Variants in MAN1C1 observed in about 807,000 individuals in gnomAD.
The protein encoded by MAN1C1 is mannosyl-oligosaccharide 1,2-alpha-mannosidase IC.
MAN1C1 carries 49 observed loss-of-function variants against 71.5 expected under a neutral mutation model. The observed-to-expected ratio is 0.69, with a 90% CI of 0.54 to 0.87. The LOEUF is 0.87. Ranked by LOEUF, MAN1C1 falls within the 40% of genes least tolerant of loss-of-function variation. The probability of loss-of-function intolerance (pLI) is 0.00; values close to 1 mark genes in which losing one functional copy is unlikely to be tolerated. For synonymous variants in MAN1C1, 352 were observed against 343.7 expected (o/e 1.02, Z -0.27); for missense variants, 743 against 835.0 (o/e 0.89, Z 1.36).
intron 1 of MAN1C1, among the ~76,000 whole-genome samples, chr1:25,670,315 A>C (rs1244677024): frequency 2.0e-5 from 3 of 152,220 alleles, no homozygotes; most frequent in Admixed American, 1.3e-4. Context: ...GCCTTGCAGG[A>C]TCTCTCTGCC....
intron 2 of MAN1C1, among the ~76,000 whole-genome samples, chr1:25,742,261 A>G (rs974956827): frequency 1.3e-5 from 2 of 152,204 alleles, no homozygotes; most frequent in Non-Finnish European, 2.9e-5. Flanking sequence ...AACCATTGGC[A>G]GTTCCTGAGC....
intron 2 of MAN1C1, among the ~76,000 whole-genome samples, chr1:25,693,457 C>T (rs574660392): frequency 5.4e-4 from 82 of 152,286 alleles, no homozygotes; most frequent in African/African-American, 1.9e-3. Flanking sequence ...TGGTGAAACC[C>T]GTCTCTACTA....
chr1:25,666,642 G>A (rs2045928648), intron 1 of MAN1C1, among the ~76,000 whole-genome samples: 3 of 152,300 alleles, frequency 2.0e-5, no homozygotes, highest in South Asian at 4.2e-4. Flanking sequence ...CAGCTGAGCC[G>A]ACATCGTTTT....
At position 25,746,809 on chromosome 1, in the gene MAN1C1, A is replaced by AGG; in HGVS notation, c.753+31_753+32dup. On this transcript the variant is annotated intron_variant, in intron 3 of 11. Transcript: ENST00000374332. The surrounding 1 kb of genome is among the most constrained non-coding windows in gnomAD (Gnocchi z 4.0). ...GTGAGTCAGAGGCCCTCGGCGGGGG[A>AGG]GGGGGGCGGGGGCCAGAAGAGGCCC... 1 of 232,818 alleles carries AGG rather than the reference A, an allele frequency of 4.3e-6. No individual in the cohort carries two copies. The highest frequency in any genetic ancestry group is 8.7e-6 in the Non-Finnish European group (1 of 115,596). The allele number at this position is 232,818 out of a possible 1,614,324, so 14.4% of individuals were successfully genotyped here. A position where few individuals can be genotyped will look rare whatever the true frequency, so the allele number is the denominator to read the frequency against.
At position 25,752,125 on chromosome 1, in the gene MAN1C1, G is replaced by A. The variant is rs542199766; in HGVS notation, c.835-1359G>A. Among the ~76,000 whole-genome samples the A allele has an allele frequency of 9.9e-5, 15 of 152,248 alleles. 1 individual carries two copies. In the South Asian group the frequency reaches 2.3e-3, roughly 23 times the overall value. On this transcript the variant is annotated intron_variant, in intron 4 of 11. Transcript: ENST00000374332. ...TCCTACCGAGAGCCAGTGCCCATGG[G>A]AGTAACTCGTATAACCACAGCTGCA...
intron 7 of MAN1C1, among the ~76,000 whole-genome samples, chr1:25,768,209 C>G (rs1166094047): frequency 3.1e-5 from 4 of 128,410 alleles, no homozygotes; most frequent in Non-Finnish European, 6.6e-5. Context: ...ACACTCCCCT[C>G]ACACATACAC....
At position 25,689,254 on chromosome 1, in the gene MAN1C1, G is replaced by A. The variant is rs143567604; in HGVS notation, c.637+2718G>A. ...GTCTGTCTAGGTGCTCTCAGAGAGA[G>A]GGACAAGTGGGGGTGACCACAAGTG... On this transcript the variant is annotated intron_variant, in intron 2 of 11. Transcript: ENST00000374332. Among the ~76,000 whole-genome samples, 325 of 152,258 alleles carry A rather than the reference G, an allele frequency of 2.1e-3. 2 individuals are homozygous for A. Among genetic ancestry groups the A allele is most frequent in the Admixed American group, 3.9e-3 (59 of 15,298 alleles).
At position 25,617,584 on chromosome 1, in the gene MAN1C1, C is replaced by G. The variant is rs1051118268; in HGVS notation, c.-214C>G. ...GCCGCTCCGCTCGCCCGGGCCCCGCCGAGGCCGCTGCGCCCCCGCCTCCTC... is the reference window on the plus strand; with the variant it reads ...GCCGCTCCGCTCGCCCGGGCCCCGCGGAGGCCGCTGCGCCCCCGCCTCCTC... On this transcript the variant is annotated 5_prime_UTR_variant, in exon 1 of 12. Transcript: ENST00000374332. The surrounding 1 kb of genome is among the most constrained non-coding windows in gnomAD (Gnocchi z 5.1). The G allele has an allele frequency of 4.4e-6, 2 of 450,778 alleles. No homozygotes were observed. 27.9% of individuals were successfully genotyped at this position (450,778 alleles called of 1,614,324 possible). A position where few individuals can be genotyped will look rare whatever the true frequency, so the allele number is the denominator to read the frequency against.
chr1:25,762,441 CTTTTCT>C (rs971101468), intron 6 of MAN1C1, among the ~76,000 whole-genome samples: 3 of 64,240 alleles, frequency 4.7e-5, no homozygotes, highest in African/African-American at 8.3e-5. Context: ...ACCACATTTT[CTTTTCT>C]TTTTTTTTTT....
chr1:25,782,672 C>T lies in MAN1C1; in HGVS notation c.1738C>T (p.Gln580Ter), dbSNP rs1434493121. The change falls in exon 11 of 12, where the codon CAG becomes TAG. Residue 580 changes from glutamine to a stop codon, truncating the protein, a stop_gained. Transcript: ENST00000374332. LOFTEE classifies it high-confidence loss of function. The surrounding 1 kb of genome is among the most constrained non-coding windows in gnomAD (Gnocchi z 4.4). ...SSTPNHDNKQ[Q>*]SFFLAETLKY... ...CACCCCCAACCACGACAACAAGCAG[C>T]AGAGCTTCTTTCTAGCGGAGACACT... 4 of 1,614,040 alleles carry T rather than the reference C, an allele frequency of 2.5e-6. No homozygotes were observed. Among genetic ancestry groups the T allele is most frequent in the Non-Finnish European group, 3.4e-6 (4 of 1,179,948 alleles).
chr1:25,696,174 C>T (rs1166136558), intron 2 of MAN1C1, among the ~76,000 whole-genome samples: 1 of 152,216 alleles, frequency 6.6e-6, no homozygotes, highest in Non-Finnish European at 1.5e-5. Flanking sequence ...GCTGAGCCTA[C>T]AGCAAGAGCC....
intron 7 of MAN1C1, among the ~76,000 whole-genome samples, chr1:25,767,419 TCC>T (rs1458345051): frequency 1.0e-4 from 1 of 9,548 alleles, no homozygotes; most frequent in Non-Finnish European, 2.1e-4. Context: ...CCACCCACCC[TCC>T]CAGACACACA....
intron 2 of MAN1C1, among the ~76,000 whole-genome samples, chr1:25,687,240 G>A (rs544711476): frequency 9.2e-5 from 14 of 152,332 alleles, no homozygotes; most frequent in Admixed American, 3.3e-4. Context: ...CTGGCAACTC[G>A]TATTTTATCT....
intron 5 of MAN1C1, among the ~76,000 whole-genome samples, chr1:25,754,080 GGAGC>G (rs2124355872): frequency 6.6e-6 from 1 of 152,248 alleles, no homozygotes; most frequent in South Asian, 2.1e-4. Context: ...CTCCCAAACA[GGAGC>G]CTAGCTCTCA....
At chr1:25,716,570 G>A (rs928813117) in intron 2 of MAN1C1, among the ~76,000 whole-genome samples, 3 of 152,066 alleles carry the variant, frequency 2.0e-5, no homozygotes, top group African/African-American at 4.8e-5. Context: ...TGAGCAATCC[G>A]CCCACCTTGG....
intron 1 of MAN1C1, among the ~76,000 whole-genome samples, chr1:25,635,114 C>A (rs937091586): frequency 6.6e-6 from 1 of 152,142 alleles, no homozygotes; most frequent in Non-Finnish European, 1.5e-5. Context: ...GATCTCCTGT[C>A]TCAGCCTCCA....
rs191926933 is a variant in MAN1C1 at position 25,664,778 on chromosome 1, C to T, written c.541-21662C>T. Among the ~76,000 whole-genome samples, 206 of 152,282 alleles carry T rather than the reference C, an allele frequency of 1.4e-3. 1 individual carries two copies. The highest frequency in any genetic ancestry group is 4.7e-3 in the African/African-American group (197 of 41,568). ...TCGATTAAAAGAAAAGGGGAAGACT[C>T]GCTGGGCGGGGGCTGTGACTCAAGG... On this transcript the variant is annotated intron_variant, in intron 1 of 11. Coordinates refer to ENST00000374332, the MANE Select transcript of MAN1C1 (RefSeq NM_020379.4).
chr1:25,717,365 A>G (rs2046694749), intron 2 of MAN1C1, among the ~76,000 whole-genome samples: 1 of 151,636 alleles, frequency 6.6e-6, no homozygotes, highest in Admixed American at 6.6e-5. Context: ...AGAAAAAATT[A>G]TATATATATA....
chr1:25,767,688 AC>A (rs2047458498), intron 7 of MAN1C1, among the ~76,000 whole-genome samples: 1 of 68,984 alleles, frequency 1.4e-5, no homozygotes, highest in Non-Finnish European at 2.8e-5. Flanking sequence ...CTCCTTACAT[AC>A]ATCCACACTC....
Sources: gnomAD v4.1 joint callset for allele counts (sites outside exome capture counted in the v4.1 genomes callset) on GRCh38, gnomAD v4.1.1 for gene constraint, Gnocchi (gnomAD v3.1) non-coding constraint, MANE v1.5 for transcripts, NCBI Gene and HGNC (gene_info 2026-07-23, HGNC 2026-07-21) for gene names.